DLGAP2: variants seen among roughly 807,000 people sequenced by gnomAD.
The protein encoded by DLGAP2 is DLG associated protein 2.
Under a neutral mutation model 100.3 loss-of-function variants are expected in DLGAP2, and 26 were observed. That is an observed-to-expected ratio of 0.26 (90% CI 0.19 to 0.36). The LOEUF (loss-of-function observed/expected upper bound fraction) is 0.36. Among genes scored for constraint, DLGAP2 ranks in the 10% least tolerant of loss-of-function variants. The pLI is 1.00. For synonymous variants in DLGAP2, 886 were observed against 630.1 expected (o/e 1.41, Z -6.08); for missense variants, 1,858 against 1,453.2 (o/e 1.28, Z -4.53).
chr8:988,193 A>G (rs1023635831), intron 2 of DLGAP2, among the ~76,000 whole-genome samples: 7 of 152,306 alleles, frequency 4.6e-5, no homozygotes, highest in Admixed American at 3.3e-4. Flanking sequence ...AAGAGTATGT[A>G]TTTAGTACCC....
At chr8:1,059,407 C>T (rs1169130628) in intron 2 of DLGAP2, among the ~76,000 whole-genome samples, 1 of 152,164 alleles carries the variant, frequency 6.6e-6, no homozygotes, top group African/African-American at 2.4e-5. Flanking sequence ...AGCCCGAAGG[C>T]TTGGGCTCCT....
At chr8:1,484,182 G>A (rs1259284656) in intron 3 of DLGAP2, among the ~76,000 whole-genome samples, 2 of 152,208 alleles carry the variant, frequency 1.3e-5, no homozygotes, top group Non-Finnish European at 2.9e-5. Flanking sequence ...CAGCCTCCTG[G>A]GCTCTGAGCT....
intron 2 of DLGAP2, among the ~76,000 whole-genome samples, chr8:1,187,834 C>G (rs1172709448): frequency 4.0e-5 from 4 of 99,736 alleles, no homozygotes; most frequent in South Asian, 6.9e-4. Context: ...CGTGATGTTT[C>G]CCTCACGGAA....
intron 2 of DLGAP2, among the ~76,000 whole-genome samples, chr8:919,110 A>G (rs1276544344): frequency 6.6e-6 from 1 of 152,208 alleles, no homozygotes; most frequent in Non-Finnish European, 1.5e-5. Flanking sequence ...CTGGCCAAAA[A>G]GCTTTGCTCT....
At chr8:1,023,573 C>T (rs763894082) in intron 2 of DLGAP2, among the ~76,000 whole-genome samples, 12 of 151,510 alleles carry the variant, frequency 7.9e-5, no homozygotes, top group Admixed American at 3.3e-4. Flanking sequence ...CCTCAGTGTG[C>T]GTGTGTTTCA....
chr8:1,620,939 C>G (rs963885135), intron 6 of DLGAP2, among the ~76,000 whole-genome samples: 15 of 152,220 alleles, frequency 9.9e-5, no homozygotes, highest in Admixed American at 7.8e-4. Flanking sequence ...GCCTTTCCCC[C>G]TTTACCCTCT....
intron 1 of DLGAP2, among the ~76,000 whole-genome samples, chr8:824,267 G>T (rs1796644606): frequency 6.6e-6 from 1 of 151,786 alleles, no homozygotes; most frequent in Non-Finnish European, 1.5e-5. Flanking sequence ...GTAGAGATGG[G>T]GTTTTGCCAT....
chr8:1,096,954 C>T (rs1430208551), intron 2 of DLGAP2, among the ~76,000 whole-genome samples: 2 of 146,268 alleles, frequency 1.4e-5, no homozygotes. Flanking sequence ...GGCCTTCACC[C>T]TCTGTGGCAT....
chr8:1,093,905 T>A (rs371087166), intron 2 of DLGAP2, among the ~76,000 whole-genome samples: 4 of 152,182 alleles, frequency 2.6e-5, no homozygotes, highest in Admixed American at 6.5e-5. Flanking sequence ...TCTGTCTGCA[T>A]CTGAGGAAGC....
At chr8:1,552,967 A>G (rs568020447) in intron 5 of DLGAP2, among the ~76,000 whole-genome samples, 2 of 152,298 alleles carry the variant, frequency 1.3e-5, no homozygotes, top group South Asian at 4.1e-4. Context: ...CAAACTTTTC[A>G]TGAGCATTGT....
chr8:1,186,977 A>G (rs1355727176), intron 2 of DLGAP2, among the ~76,000 whole-genome samples: 3 of 152,110 alleles, frequency 2.0e-5, no homozygotes, highest in Non-Finnish European at 4.4e-5. Flanking sequence ...TGTTTCCATC[A>G]CACCCGTTAA....
At chr8:1,634,418 C>T (rs762315308) in intron 8 of DLGAP2, among the ~76,000 whole-genome samples, 5 of 152,158 alleles carry the variant, frequency 3.3e-5, no homozygotes, top group Non-Finnish European at 7.3e-5. Flanking sequence ...GGGAAATCCA[C>T]AGGCTGACAA....
At chr8:964,157 A>AC (rs1168770927) in intron 2 of DLGAP2, among the ~76,000 whole-genome samples, 1 of 152,194 alleles carries the variant, frequency 6.6e-6, no homozygotes, top group African/African-American at 2.4e-5. Flanking sequence ...ATTCAGGGAG[A>AC]CATAAAGCTG....
intron 3 of DLGAP2, among the ~76,000 whole-genome samples, chr8:1,273,249 G>A (rs1223636558): frequency 6.6e-6 from 1 of 152,144 alleles, no homozygotes; most frequent in Non-Finnish European, 1.5e-5. Context: ...TCCAGTACTT[G>A]GGTGTGGAAA....
intron 2 of DLGAP2, among the ~76,000 whole-genome samples, chr8:1,098,840 G>C (rs939152632): frequency 2.0e-5 from 3 of 151,690 alleles, no homozygotes; most frequent in African/African-American, 7.2e-5. Context: ...CACGGACGCT[G>C]CGACGCACAC....
At chr8:1,425,707 T>C (rs1022711344) in intron 3 of DLGAP2, among the ~76,000 whole-genome samples, 3 of 152,038 alleles carry the variant, frequency 2.0e-5, no homozygotes, top group Admixed American at 2.0e-4. Flanking sequence ...TGTAGGGAAC[T>C]GGCCCCTGTG....
intron 3 of DLGAP2, among the ~76,000 whole-genome samples, chr8:1,464,420 TTCAGGCTGGCTTCCTTCCAGCTGAGCTC>T: frequency 7.3e-6 from 1 of 137,290 alleles, no homozygotes; most frequent in Non-Finnish European, 1.5e-5. Flanking sequence ...ACAGCTCCCT[TTCAGGCTGGCTTCCTTCCAGCTGAGCTC>T]CCAGGCAGTA....
chr8:1,543,064 T>C (rs1049009853), intron 4 of DLGAP2, among the ~76,000 whole-genome samples: 6 of 152,210 alleles, frequency 3.9e-5, no homozygotes, highest in African/African-American at 9.6e-5. Flanking sequence ...ATTTGTCTTA[T>C]TATAATGGAG....
chr8:1,540,728 G>A (rs1284111904), intron 4 of DLGAP2, among the ~76,000 whole-genome samples: 1 of 152,198 alleles, frequency 6.6e-6, no homozygotes, highest in African/African-American at 2.4e-5. Flanking sequence ...GGGCGGCCGT[G>A]ACCAGCAGTG....
Sources: gnomAD v4.1 joint callset for allele counts (sites outside exome capture counted in the v4.1 genomes callset) on GRCh38, gnomAD v4.1.1 for gene constraint, MANE v1.5 for transcripts, NCBI Gene and HGNC (gene_info 2026-07-23, HGNC 2026-07-21) for gene names.